Variants in IGSF21 observed in about 807,000 individuals in gnomAD.
IGSF21 encodes immunoglobin superfamily member 21.
A neutral mutation model predicts 46.8 loss-of-function variants in IGSF21; 28 were observed. The ratio of observed to expected loss-of-function variants is 0.60; its 90% CI spans 0.44 to 0.82. IGSF21 has a LOEUF of 0.82. Among genes scored for constraint, IGSF21 ranks in the 40% least tolerant of loss-of-function variants. The pLI is 0.00. For missense variants in IGSF21, 624 were observed against 665.5 expected (o/e 0.94, Z 0.69); for synonymous variants, 284 against 273.6 (o/e 1.04, Z -0.38).
intron 2 of IGSF21, among the ~76,000 whole-genome samples, chr1:18,238,008 G>C (rs1441155997): frequency 1.7e-5 from 1 of 58,830 alleles, no homozygotes; most frequent in African/African-American, 3.9e-5. Flanking sequence ...GGGCTTCTGG[G>C]GGTGCTCAAA....
intron 1 of IGSF21, among the ~76,000 whole-genome samples, chr1:18,170,382 C>G (rs557999210): frequency 1.3e-5 from 2 of 152,050 alleles, no homozygotes; most frequent in East Asian, 3.9e-4. Flanking sequence ...AACTTTGAAC[C>G]CCTGCTGGCT....
chr1:18,281,513 C>G (rs551896226), intron 2 of IGSF21, among the ~76,000 whole-genome samples: 1 of 150,816 alleles, frequency 6.6e-6, no homozygotes, highest in Non-Finnish European at 1.5e-5. Context: ...TTGCAGTGAG[C>G]TGACATGGTG....
At chr1:18,239,917 T>A (rs902046580) in intron 2 of IGSF21, among the ~76,000 whole-genome samples, 1 of 152,208 alleles carries the variant, frequency 6.6e-6, no homozygotes, top group African/African-American at 2.4e-5. Context: ...TGTGTTCATT[T>A]TTGCAGCAGA....
At chr1:18,136,115 T>G (rs543304766) in intron 1 of IGSF21, among the ~76,000 whole-genome samples, 32 of 152,376 alleles carry the variant, frequency 2.1e-4, no homozygotes, top group African/African-American at 7.5e-4. Context: ...GGTTGTTTTT[T>G]TCTTGTAAAT....
chr1:18,207,475 G>A (rs532792993), intron 1 of IGSF21, among the ~76,000 whole-genome samples: 194 of 152,296 alleles, frequency 1.3e-3, no homozygotes, highest in African/African-American at 4.5e-3. Context: ...TGCAGGAAAG[G>A]CATCTGGGTA....
At chr1:18,211,285 G>A (rs901387593) in intron 1 of IGSF21, among the ~76,000 whole-genome samples, 2 of 152,232 alleles carry the variant, frequency 1.3e-5, no homozygotes, top group Non-Finnish European at 2.9e-5. Context: ...GAACTCAAGA[G>A]CTTTGATCCT....
intron 3 of IGSF21, among the ~76,000 whole-genome samples, chr1:18,307,194 T>G (rs896420478): frequency 1.3e-4 from 20 of 152,118 alleles, no homozygotes; most frequent in African/African-American, 4.8e-4. Context: ...TGTTGAGTAT[T>G]TTGTGGGGAC....
rs1209571132 is a variant in IGSF21 at position 18,253,251 on chromosome 1, G to A, written c.183+25241G>A. On this transcript the variant is annotated intron_variant, in intron 2 of 9. Transcript: ENST00000251296. ...GCATCCTTGGCACCTTGCCCAGAGG[G>A]CCAGGGGGGGCCTCAGCAAACCCAA... Among the ~76,000 whole-genome samples, 5 of 152,168 alleles carry A rather than the reference G, an allele frequency of 3.3e-5. No homozygotes were observed. The East Asian group carries it at 5.8e-4, about 18-fold the overall frequency.
chr1:18,185,117 A>C (rs907650203), intron 1 of IGSF21, among the ~76,000 whole-genome samples: 3 of 152,194 alleles, frequency 2.0e-5, no homozygotes, highest in African/African-American at 7.2e-5. Context: ...AGGTGAGGTG[A>C]GCTGCCCAAG....
At chr1:18,232,517 T>G (rs146498371) in intron 2 of IGSF21, among the ~76,000 whole-genome samples, 7 of 152,288 alleles carry the variant, frequency 4.6e-5, no homozygotes, top group African/African-American at 1.4e-4. Context: ...ATACTATGAT[T>G]AATTCTATTT....
intron 1 of IGSF21, chr1:18,114,452 C>CT (rs1370180622): frequency 3.3e-5 from 5 of 152,190 alleles, no homozygotes; most frequent in Non-Finnish European, 7.3e-5. Context: ...GAGCATGTGG[C>CT]TTTCTATTTC....
chr1:18,117,097 G>C (rs1212220498), intron 1 of IGSF21, among the ~76,000 whole-genome samples: 1 of 152,214 alleles, frequency 6.6e-6, no homozygotes, highest in African/African-American at 2.4e-5. Flanking sequence ...GCTCTAGGAA[G>C]ATTAATTTGG....
chr1:18,346,004 G>A lies in IGSF21; in HGVS notation c.424+10994G>A, dbSNP rs185180219. On this transcript the variant is annotated intron_variant, in intron 4 of 9. Coordinates refer to ENST00000251296, the MANE Select transcript of IGSF21 (RefSeq NM_032880.5). ...TGGGGGTTACAGTAGCACCTGTTGG[G>A]GCATGAAATGTAACAGACAAGTGAA... is the stretch of plus-strand genomic sequence containing the variant. Among the ~76,000 whole-genome samples the A allele has an allele frequency of 3.3e-5, 5 of 152,252 alleles. No homozygotes were observed. In the East Asian group the frequency reaches 9.7e-4, roughly 29 times the overall value.
At chr1:18,280,765 C>T (rs2085151020) in intron 2 of IGSF21, among the ~76,000 whole-genome samples, 1 of 152,034 alleles carries the variant, frequency 6.6e-6, no homozygotes, top group Admixed American at 6.5e-5. Context: ...ACAGCACCCC[C>T]AGAACTTGTC....
chr1:18,313,963 T>C (rs758884759), intron 3 of IGSF21, among the ~76,000 whole-genome samples: 11 of 152,222 alleles, frequency 7.2e-5, no homozygotes, highest in Non-Finnish European at 1.5e-4. Context: ...ACGTGAAAAT[T>C]TGGCTCTGAT....
chr1:18,313,231 C>T (rs2085506903), intron 3 of IGSF21, among the ~76,000 whole-genome samples: 1 of 152,138 alleles, frequency 6.6e-6, no homozygotes, highest in Non-Finnish European at 1.5e-5. Context: ...ATGAGAGAGG[C>T]TTGCCCTTGC....
rs114961238 is a variant in IGSF21 at position 18,174,781 on chromosome 1, C to T, written c.71-53117C>T. Among the ~76,000 whole-genome samples the T allele has an allele frequency of 6.1e-3, 936 of 152,304 alleles. 8 individuals carry two copies. The highest frequency in any genetic ancestry group is 0.022 in the African/African-American group (894 of 41,554). On this transcript the variant is annotated intron_variant, in intron 1 of 9. Transcript: ENST00000251296. Reference sequence around the variant, plus strand: ...CGTTGCCCACTGGGGTAGCTGCCGACGACACACTCTGCCTGGCTTCTCCTG... The same window carrying T: ...CGTTGCCCACTGGGGTAGCTGCCGATGACACACTCTGCCTGGCTTCTCCTG...
intron 1 of IGSF21, among the ~76,000 whole-genome samples, chr1:18,151,756 C>T (rs1023619970): frequency 2.0e-5 from 3 of 152,250 alleles, no homozygotes; most frequent in South Asian, 2.1e-4. Flanking sequence ...CTTGGAAATA[C>T]GGAGAAGCTC....
At chr1:18,340,369 T>C (rs2085819849) in intron 4 of IGSF21, among the ~76,000 whole-genome samples, 1 of 152,188 alleles carries the variant, frequency 6.6e-6, no homozygotes, top group South Asian at 2.1e-4. Context: ...GGGGCTGTTC[T>C]AGGTCAACGT....
Sources: gnomAD v4.1 joint callset for allele counts (sites outside exome capture counted in the v4.1 genomes callset) on GRCh38, gnomAD v4.1.1 for gene constraint, MANE v1.5 for transcripts, NCBI Gene and HGNC (gene_info 2026-07-23, HGNC 2026-07-21) for gene names.